The following CCDC178 variants were observed in gnomAD, a reference collection of about 807,000 sequenced individuals.
CCDC178 encodes the protein coiled-coil domain containing 178, also known as coiled-coil domain-containing protein 178.
CCDC178 carries 126 observed loss-of-function variants against 117.4 expected under a neutral mutation model. That is an observed-to-expected ratio of 1.07 (90% confidence interval 0.93 to 1.24). CCDC178 has a LOEUF of 1.24. Ranked by LOEUF, CCDC178 falls within the 50% of genes most tolerant of loss-of-function variation. The pLI, the probability that CCDC178 is intolerant of heterozygous loss-of-function variation, is 0.00. For missense variants in CCDC178, 1,030 were observed against 986.9 expected, an observed-to-expected ratio of 1.04 and a Z score of -0.59; for synonymous variants, 283 against 313.4, an observed-to-expected ratio of 0.90 and a Z score of 1.02.
chr18:33,221,528 C>T (rs1325510390), intron 18 of CCDC178, among the ~76,000 whole-genome samples: 1 of 152,000 alleles, frequency 6.6e-6, no homozygotes, highest in Non-Finnish European at 1.5e-5. Context: ...AGGAGCGTCC[C>T]TTGGGAGTGA....
intron 10 of CCDC178, chr18:33,328,083 ATTTTTTTTTTTTTTTTTTTTTTTTTT>A: frequency 1.0e-5 from 1 of 96,974 alleles, no homozygotes; most frequent in Non-Finnish European, 1.7e-5. Flanking sequence ...TTATCCCTAG[ATTTTTTTTTTTTTTTTTTTTTTTTTT>A]TTTTTTTTTT....
At chr18:33,072,228 G>A (rs2057121699) in intron 21 of CCDC178, among the ~76,000 whole-genome samples, 1 of 151,776 alleles carries the variant, frequency 6.6e-6, no homozygotes, top group South Asian at 2.1e-4. Context: ...TTTTAAATTA[G>A]GCATATAAGC....
chr18:33,414,519 C>G (rs1460294665), intron 2 of CCDC178, among the ~76,000 whole-genome samples: 3 of 152,144 alleles, frequency 2.0e-5, no homozygotes, highest in Non-Finnish European at 4.4e-5. Flanking sequence ...GAAACTGGAT[C>G]CCTTCCTTAC....
At chr18:33,265,365 T>C in intron 14 of CCDC178, among the ~76,000 whole-genome samples, 1 of 151,984 alleles carries the variant, frequency 6.6e-6, no homozygotes. Context: ...GAATCAAATA[T>C]TCATACACAA....
intron 11 of CCDC178, among the ~76,000 whole-genome samples, chr18:33,321,260 G>A (rs1427003306): frequency 6.6e-6 from 1 of 152,130 alleles, no homozygotes; most frequent in East Asian, 1.9e-4. Context: ...AAACTAAAGA[G>A]CTTCTTGCAC....
intron 21 of CCDC178, among the ~76,000 whole-genome samples, chr18:33,036,655 C>A (rs890900907): frequency 6.6e-6 from 1 of 151,822 alleles, no homozygotes; most frequent in Non-Finnish European, 1.5e-5. Context: ...GCACACAACT[C>A]GGTAATGCGA....
intron 3 of CCDC178, among the ~76,000 whole-genome samples, chr18:33,401,630 T>C (rs998580582): frequency 3.9e-4 from 59 of 152,160 alleles, no homozygotes; most frequent in African/African-American, 1.4e-3. Flanking sequence ...ATTAAAATTA[T>C]AAAAATTAAC....
At chr18:33,264,054 A>C (rs2059784479) in intron 14 of CCDC178, among the ~76,000 whole-genome samples, 1 of 152,126 alleles carries the variant, frequency 6.6e-6, no homozygotes, top group African/African-American at 2.4e-5. Flanking sequence ...TTAAGAGATA[A>C]AAGATAAGCT....
chr18:33,381,013 T>A (rs1027777935), intron 5 of CCDC178, among the ~76,000 whole-genome samples: 1 of 152,200 alleles, frequency 6.6e-6, no homozygotes, highest in Non-Finnish European at 1.5e-5. Context: ...GTTGCAGTTA[T>A]GAAAGTTTGG....
At chr18:33,361,544 A>T (rs1233142050) in intron 6 of CCDC178, among the ~76,000 whole-genome samples, 3 of 151,856 alleles carry the variant, frequency 2.0e-5, no homozygotes, top group African/African-American at 7.2e-5. Context: ...TAGGAAAAAA[A>T]TAATTGGAAA....
At chr18:33,268,665 G>A (rs2144774431) in intron 12 of CCDC178, among the ~76,000 whole-genome samples, 1 of 151,744 alleles carries the variant, frequency 6.6e-6, no homozygotes, top group Non-Finnish European at 1.5e-5. Context: ...TAAACAAAAT[G>A]TAAATTAAAT....
chr18:32,974,646 CCA>C lies in CCDC178; in HGVS notation c.2422_2423del (p.Trp808AlafsTer70), dbSNP rs780760125. On this transcript the variant is annotated frameshift_variant, in exon 22 of 23. Transcript: ENST00000383096. LOFTEE classifies it high-confidence loss of function. ...CQLQRRMHTLWQEHFKLVVLF... is the reference protein window; with the variant it reads ...CQLQRRMHTLXQEHFKLVVLF... ...GGACCACCAGTTTGAAGTGCTCCTG[CCA>C]CAGTGTGTGCATCCTTCTCTGCAGC... 5 of 1,613,376 alleles carry C rather than the reference CCA, an allele frequency of 3.1e-6. No homozygotes were observed. The highest frequency in any genetic ancestry group is 4.5e-5 in the East Asian group (2 of 44,856).
chr18:33,243,935 A>G (rs1235781705), intron 15 of CCDC178, among the ~76,000 whole-genome samples: 1 of 151,146 alleles, frequency 6.6e-6, no homozygotes, highest in Non-Finnish European at 1.5e-5. Flanking sequence ...AATTATAAAC[A>G]TCTACAATAT....
intron 21 of CCDC178, among the ~76,000 whole-genome samples, chr18:33,041,512 A>C (rs1268162836): frequency 6.6e-6 from 1 of 151,098 alleles, no homozygotes; most frequent in Non-Finnish European, 1.5e-5. Flanking sequence ...TTAGGATTTC[A>C]AAAAAGAACC....
chr18:33,226,562 G>A (rs2059305132), intron 16 of CCDC178, among the ~76,000 whole-genome samples: 1 of 152,144 alleles, frequency 6.6e-6, no homozygotes, highest in Non-Finnish European at 1.5e-5. Flanking sequence ...TAGACTGGCA[G>A]AAATTCCCAT....
At chr18:33,163,080 C>T (rs1040637122) in intron 20 of CCDC178, among the ~76,000 whole-genome samples, 5 of 152,136 alleles carry the variant, frequency 3.3e-5, no homozygotes, top group Admixed American at 3.3e-4. Flanking sequence ...TTCTCCACAA[C>T]CTCGCCAGTA....
At chr18:33,290,096 T>C (rs2060148753) in intron 12 of CCDC178, among the ~76,000 whole-genome samples, 1 of 152,158 alleles carries the variant, frequency 6.6e-6, no homozygotes. Flanking sequence ...CAGTAATTGA[T>C]AGAAGTGTCA....
intron 2 of CCDC178, among the ~76,000 whole-genome samples, chr18:33,420,150 G>T (rs1290608377): frequency 1.3e-5 from 2 of 152,026 alleles, no homozygotes; most frequent in Admixed American, 1.3e-4. Context: ...CAGCCACATG[G>T]ATGGAGCTGG....
intron 20 of CCDC178, among the ~76,000 whole-genome samples, chr18:33,119,653 A>G (rs2057908487): frequency 6.6e-6 from 1 of 152,208 alleles, no homozygotes; most frequent in Non-Finnish European, 1.5e-5. Flanking sequence ...TAGAACTAGA[A>G]ATACCATTTG....
Sources: allele counts gnomAD v4.1 joint callset (sites outside exome capture counted in the v4.1 genomes callset), GRCh38; gene constraint gnomAD v4.1.1; transcripts MANE v1.5; gene names NCBI Gene and HGNC (gene_info 2026-07-23, HGNC 2026-07-21).